The following MACROD2 variants were observed in gnomAD, a reference collection of about 807,000 sequenced individuals.
The protein encoded by MACROD2 is ADP-ribose glycohydrolase MACROD2.
A neutral mutation model predicts 70.4 loss-of-function variants in MACROD2; 36 were observed. That is an observed-to-expected ratio of 0.51 (90% CI 0.39 to 0.68). The LOEUF is 0.68. MACROD2 is among the 30% of genes least tolerant of loss of function. The probability of loss-of-function intolerance (pLI) is 0.00; values close to 1 mark genes in which losing one functional copy is unlikely to be tolerated. For missense variants in MACROD2, 496 were observed against 538.4 expected, an observed-to-expected ratio of 0.92 and a Z score of 0.78; for synonymous variants, 172 against 178.8, an observed-to-expected ratio of 0.96 and a Z score of 0.30.
rs115949400 is a variant in MACROD2 at position 14,683,764 on chromosome 20, G to A, written c.302-1079G>A. On this transcript the variant is annotated intron_variant, in intron 4 of 17. Coordinates refer to ENST00000684519, the MANE Select transcript of MACROD2 (RefSeq NM_001351661.2). The stretch of plus-strand genomic sequence containing the variant: ...TCAAGGATCAATTACATGGTGTTAT[G>A]GACTGTGGAGAGGAGAAGTCTTCAG... Among the ~76,000 whole-genome samples the A allele has an allele frequency of 5.4e-3, 816 of 152,132 alleles. 16 individuals carry two copies. Among genetic ancestry groups the A allele is most frequent in the African/African-American group, 0.019 (778 of 41,512 alleles).
chr20:15,208,054 T>C (rs931055943), intron 5 of MACROD2, among the ~76,000 whole-genome samples: 2 of 151,010 alleles, frequency 1.3e-5, no homozygotes, highest in South Asian at 4.2e-4. Flanking sequence ...TTTAGATCTT[T>C]TGTAATAGTT....
chr20:15,056,139 C>G (rs2075483699), intron 5 of MACROD2, among the ~76,000 whole-genome samples: 1 of 152,104 alleles, frequency 6.6e-6, no homozygotes, highest in African/African-American at 2.4e-5. Flanking sequence ...CACCCGACCC[C>G]CTCCTCTGTA....
At chr20:14,830,221 A>G (rs529970166) in intron 5 of MACROD2, among the ~76,000 whole-genome samples, 7 of 152,222 alleles carry the variant, frequency 4.6e-5, no homozygotes, top group African/African-American at 1.7e-4. Flanking sequence ...CATCACTGAA[A>G]TTTGAATTGG....
intron 3 of MACROD2, among the ~76,000 whole-genome samples, chr20:14,180,053 T>A (rs1047122620): frequency 6.6e-6 from 1 of 152,186 alleles, no homozygotes; most frequent in Admixed American, 6.5e-5. Flanking sequence ...ACCAAAACGC[T>A]GTACCCATTA....
chr20:14,804,387 T>C (rs1432116060), intron 5 of MACROD2, among the ~76,000 whole-genome samples: 1 of 152,062 alleles, frequency 6.6e-6, no homozygotes, highest in Non-Finnish European at 1.5e-5. Context: ...TTTCTTTAAG[T>C]TGTAGAGGAT....
At chr20:14,974,487 G>A (rs1445438292) in intron 5 of MACROD2, among the ~76,000 whole-genome samples, 1 of 152,118 alleles carries the variant, frequency 6.6e-6, no homozygotes, top group Non-Finnish European at 1.5e-5. Flanking sequence ...GTTTTAGGAT[G>A]GGGGCACCAC....
chr20:15,031,244 G>C (rs908415115), intron 5 of MACROD2, among the ~76,000 whole-genome samples: 6 of 152,176 alleles, frequency 3.9e-5, no homozygotes, highest in African/African-American at 1.4e-4. Flanking sequence ...ACCCAAAGAG[G>C]GTGTTACAGC....
intron 15 of MACROD2, among the ~76,000 whole-genome samples, chr20:15,999,034 C>G (rs902727747): frequency 1.3e-5 from 2 of 151,762 alleles, no homozygotes; most frequent in Admixed American, 1.3e-4. Flanking sequence ...CCATTTTTTT[C>G]TTCTACTAAT....
chr20:14,680,257 C>T (rs2070915759), intron 4 of MACROD2, among the ~76,000 whole-genome samples: 1 of 152,094 alleles, frequency 6.6e-6, no homozygotes, highest in Non-Finnish European at 1.5e-5. Context: ...CTCTAAGAAG[C>T]CTAGGAAGAA....
chr20:14,085,800 TGTAA>T, intron 3 of MACROD2, 72 bp downstream of exon 3: 1 of 857,558 alleles, frequency 1.2e-6, no homozygotes, highest in Non-Finnish European at 1.7e-6. Flanking sequence ...TAAATAAGAA[TGTAA>T]GTATTTTAGA....
At chr20:15,929,217 T>TC (rs2065536260) in intron 10 of MACROD2, among the ~76,000 whole-genome samples, 1 of 152,192 alleles carries the variant, frequency 6.6e-6, no homozygotes, top group African/African-American at 2.4e-5. Flanking sequence ...GCTCCATGTA[T>TC]CTCTCATCCT....
At chr20:15,892,628 G>T (rs985290336) in intron 10 of MACROD2, among the ~76,000 whole-genome samples, 3 of 152,168 alleles carry the variant, frequency 2.0e-5, no homozygotes, top group Admixed American at 6.5e-5. Context: ...TATTAACAGG[G>T]TTCCCTTATG....
intron 5 of MACROD2, among the ~76,000 whole-genome samples, chr20:14,990,418 A>G (rs1023898165): frequency 6.6e-6 from 1 of 151,758 alleles, no homozygotes; most frequent in Non-Finnish European, 1.5e-5. Context: ...CTCCACCAGG[A>G]CCTGAGGTCT....
At chr20:15,253,190 T>C (rs753531578) in intron 6 of MACROD2, among the ~76,000 whole-genome samples, 2 of 152,170 alleles carry the variant, frequency 1.3e-5, no homozygotes, top group Non-Finnish European at 2.9e-5. Context: ...CAGTGGGATG[T>C]TGGGCTTCGG....
chr20:14,855,513 T>C (rs1361978881), intron 5 of MACROD2, among the ~76,000 whole-genome samples: 1 of 150,106 alleles, frequency 6.7e-6, no homozygotes, highest in Non-Finnish European at 1.5e-5. Context: ...TTATACTCAA[T>C]AGTCCAACAA....
At chr20:15,183,662 C>A (rs911526962) in intron 5 of MACROD2, among the ~76,000 whole-genome samples, 1 of 152,150 alleles carries the variant, frequency 6.6e-6, no homozygotes, top group Non-Finnish European at 1.5e-5. Context: ...AGAGTAAAAC[C>A]TCCTGATGTC....
chr20:15,566,477 A>G (rs1192169474), intron 8 of MACROD2, among the ~76,000 whole-genome samples: 3 of 151,730 alleles, frequency 2.0e-5, no homozygotes, highest in Non-Finnish European at 2.9e-5. Flanking sequence ...CAACCTGGGC[A>G]ACAGAGTGAG....
chr20:15,122,113 C>G (rs1053960526), intron 5 of MACROD2, among the ~76,000 whole-genome samples: 1 of 152,144 alleles, frequency 6.6e-6, no homozygotes, highest in African/African-American at 2.4e-5. Flanking sequence ...CTAAAACAAA[C>G]AAAATGATGA....
chr20:14,832,167 C>T (rs1463355569), intron 5 of MACROD2, among the ~76,000 whole-genome samples: 3 of 150,998 alleles, frequency 2.0e-5, no homozygotes, highest in African/African-American at 7.3e-5. Context: ...CTCAGCCTCC[C>T]GAGTAGCTGG....
Sources: allele counts gnomAD v4.1 joint callset (sites outside exome capture counted in the v4.1 genomes callset), GRCh38; gene constraint gnomAD v4.1.1; transcripts MANE v1.5; gene names NCBI Gene and HGNC (gene_info 2026-07-23, HGNC 2026-07-21).